RGS20: variants seen among roughly 807,000 people sequenced by gnomAD.
RGS20 encodes the protein gz-selective GTPase-activating protein.
RGS20 carries 30 observed loss-of-function variants against 33.6 expected under a neutral mutation model. The observed-to-expected ratio is 0.89, with a 90% CI of 0.67 to 1.21. The LOEUF is 1.21. Among genes scored for constraint, RGS20 ranks in the 50% most tolerant of loss-of-function variants. The probability of loss-of-function intolerance (pLI) is 0.00; values close to 1 mark genes in which losing one functional copy is unlikely to be tolerated. For synonymous variants in RGS20, 208 were observed against 197.9 expected (o/e 1.05, Z -0.43); for missense variants, 472 against 502.4 (o/e 0.94, Z 0.58).
At chr8:53,928,621 C>T (rs1163840771) in intron 2 of RGS20, among the ~76,000 whole-genome samples, 2 of 151,862 alleles carry the variant, frequency 1.3e-5, no homozygotes, top group Non-Finnish European at 1.5e-5. Context: ...GTCAGGAGTT[C>T]GAGACCAGCC....
At chr8:53,916,974 G>A (rs542036310) in intron 2 of RGS20, among the ~76,000 whole-genome samples, 2 of 152,082 alleles carry the variant, frequency 1.3e-5, no homozygotes, top group South Asian at 2.1e-4. Context: ...CCATTCTCAT[G>A]ACCTAATCAC....
chr8:53,916,669 G>A (rs560781648), intron 2 of RGS20, among the ~76,000 whole-genome samples: 1 of 152,078 alleles, frequency 6.6e-6, no homozygotes, highest in Non-Finnish European at 1.5e-5. Context: ...GTGGATTTTT[G>A]TTTATTTGTC....
At chr8:53,857,064 C>G (rs1259702020) in intron 1 of RGS20, among the ~76,000 whole-genome samples, 1 of 152,210 alleles carries the variant, frequency 6.6e-6, no homozygotes, top group Non-Finnish European at 1.5e-5. Context: ...TTATTCTGTC[C>G]TGCCTCCATT....
At chr8:53,950,637 C>T (rs1289614082) in intron 4 of RGS20, among the ~76,000 whole-genome samples, 1 of 148,814 alleles carries the variant, frequency 6.7e-6, no homozygotes, top group Non-Finnish European at 1.5e-5. Context: ...TTTTTTTAGA[C>T]AGGGTCTCAT....
chr8:53,930,712 A>AT (rs1297101186), intron 2 of RGS20, among the ~76,000 whole-genome samples: 1 of 151,818 alleles, frequency 6.6e-6, no homozygotes, highest in African/African-American at 2.4e-5. Context: ...CACTCAGCTA[A>AT]TTTTTTTTGT....
At chr8:53,953,309 C>T (rs1165045572) in intron 4 of RGS20, among the ~76,000 whole-genome samples, 2 of 152,090 alleles carry the variant, frequency 1.3e-5, no homozygotes, top group East Asian at 3.8e-4. Context: ...TCGCTTGAGC[C>T]CAAGAGTTTG....
At chr8:53,914,048 T>TTTTTTTTTTTTTA (rs1585915960) in intron 2 of RGS20, 1 of 151,420 alleles carries the variant, frequency 6.6e-6, no homozygotes, top group Non-Finnish European at 1.5e-5. Context: ...TTTTTTTTTT[T>TTTTTTTTTTTTTA]GAAACAGGGT....
In RGS20 at chr8:53,899,461, C is replaced by CCAGCA. The variant is rs1812952339; in HGVS notation, c.510+19859_510+19860insCAGCA. On this transcript the variant is annotated intron_variant, in intron 2 of 5. Coordinates refer to ENST00000297313, the MANE Select transcript of RGS20 (RefSeq NM_170587.4). The stretch of plus-strand genomic sequence containing the variant: ...AAATTAAAATACCAGCATTTAAAAA[C>CCAGCA]TGTTTTATGACATCCATTCATAGAG... 3.9e-5 allele frequency among the ~76,000 whole-genome samples: 6 copies of CCAGCA among 152,178 alleles called. 1 individual carries two copies. The highest frequency in any genetic ancestry group is 7.3e-5 in the Non-Finnish European group (5 of 68,040).
At chr8:53,859,996 T>C (rs1369662840) in intron 1 of RGS20, among the ~76,000 whole-genome samples, 1 of 152,180 alleles carries the variant, frequency 6.6e-6, no homozygotes, top group African/African-American at 2.4e-5. Flanking sequence ...CCAAACCATA[T>C]CGGGGAGTAA....
intron 1 of RGS20, among the ~76,000 whole-genome samples, chr8:53,867,440 T>C (rs1811945944): frequency 6.6e-6 from 1 of 152,180 alleles, no homozygotes; most frequent in African/African-American, 2.4e-5. Flanking sequence ...GTATGAACCT[T>C]GTTGACTTGT....
intron 2 of RGS20, among the ~76,000 whole-genome samples, chr8:53,894,011 CTTAGGTAGAT>C (rs1812786083): frequency 2.0e-5 from 3 of 152,160 alleles, no homozygotes; most frequent in African/African-American, 7.2e-5. Context: ...TAAATACTAA[CTTAGGTAGAT>C]AAAACATTTG....
At chr8:53,881,076 G>C (rs780172982) in intron 2 of RGS20, 42 of 1,544,126 alleles carry the variant, frequency 2.7e-5, no homozygotes, top group Non-Finnish European at 3.5e-5. Context: ...CAGGGTGGAC[G>C]GTGGGCTCGT....
rs1471368633 is a variant in RGS20 at position 53,950,794 on chromosome 8, T to TA, written c.744-3281dup. Among the ~76,000 whole-genome samples the TA allele has an allele frequency of 2.6e-5, 4 of 152,190 alleles. No individual in the cohort carries two copies. In the South Asian group the frequency reaches 8.3e-4, roughly 32 times the overall value. On this transcript the variant is annotated intron_variant, in intron 4 of 5. Coordinates refer to ENST00000297313, the MANE Select transcript of RGS20 (RefSeq NM_170587.4). ...CACACTTGGCTAATTTTTGTATTTT[T>TA]AGTAGAGACGGGGTTTCACCATGTT...
At chr8:53,917,504 T>A (rs1476745468) in intron 2 of RGS20, among the ~76,000 whole-genome samples, 2 of 152,200 alleles carry the variant, frequency 1.3e-5, no homozygotes, top group Admixed American at 6.5e-5. Context: ...TTCCTTATAT[T>A]AAACTCCTGT....
At chr8:53,930,466 G>A (rs1284511924) in intron 2 of RGS20, among the ~76,000 whole-genome samples, 1 of 152,198 alleles carries the variant, frequency 6.6e-6, no homozygotes, top group Admixed American at 6.5e-5. Flanking sequence ...CAAGATGTTG[G>A]AACAGGACTC....
At chr8:53,954,406 G>A in intron 5 of RGS20, 96 bp downstream of exon 4, 3 of 800,020 alleles carry the variant, frequency 3.7e-6, no homozygotes, top group East Asian at 2.8e-5. Context: ...GCTCACGTCT[G>A]TAATCCCAGC....
intron 1 of RGS20, among the ~76,000 whole-genome samples, chr8:53,870,003 G>A (rs1217801744): frequency 6.6e-6 from 1 of 152,208 alleles, no homozygotes; most frequent in African/African-American, 2.4e-5. Flanking sequence ...TTACCCAGAT[G>A]TTGGGCAGAT....
At chr8:53,946,580 T>A in intron 3 of RGS20, 85 bp from the exon 3 acceptor site, 1 of 1,074,942 alleles carries the variant, frequency 9.3e-7, no homozygotes, top group Middle Eastern at 2.0e-4. Context: ...TACTTGGGGA[T>A]CTGAAGTTCT....
At chr8:53,865,740 G>A (rs1008246618) in intron 1 of RGS20, among the ~76,000 whole-genome samples, 3 of 152,210 alleles carry the variant, frequency 2.0e-5, no homozygotes, top group African/African-American at 7.2e-5. Flanking sequence ...CTGAGTAGCT[G>A]AGATGACAGG....
Sources: allele counts gnomAD v4.1 joint callset (sites outside exome capture counted in the v4.1 genomes callset), GRCh38; gene constraint gnomAD v4.1.1; transcripts MANE v1.5; gene names NCBI Gene and HGNC (gene_info 2026-07-23, HGNC 2026-07-21).